CREB3L2: variants seen among roughly 807,000 people sequenced by gnomAD.
The protein encoded by CREB3L2 is cAMP responsive element binding protein 3 like 2.
A neutral mutation model predicts 57.2 loss-of-function variants in CREB3L2; 23 were observed. The ratio of observed to expected loss-of-function variants is 0.40; its 90% CI spans 0.29 to 0.57. The LOEUF is 0.57. Ranked by LOEUF, CREB3L2 falls within the 20% of genes least tolerant of loss-of-function variation. CREB3L2 has a pLI of 0.42. For synonymous variants in CREB3L2, 268 were observed against 265.1 expected, an observed-to-expected ratio of 1.01 and a Z score of -0.11; for missense variants, 628 against 634.7, an observed-to-expected ratio of 0.99 and a Z score of 0.11.
chr7:137,954,756 T>C (rs1453101257), intron 1 of CREB3L2, among the ~76,000 whole-genome samples: 1 of 152,144 alleles, frequency 6.6e-6, no homozygotes. Context: ...GCATGGAGGC[T>C]AGAAAGTAGG....
At chr7:137,950,863 G>A (rs1450365130) in intron 1 of CREB3L2, among the ~76,000 whole-genome samples, 1 of 152,154 alleles carries the variant, frequency 6.6e-6, no homozygotes, top group Non-Finnish European at 1.5e-5. Flanking sequence ...CTAGTTTCAA[G>A]ATCCCTAGTT....
At chr7:137,903,766 A>T (rs1799819345) in intron 7 of CREB3L2, among the ~76,000 whole-genome samples, 193 bp downstream of exon 7, 1 of 152,222 alleles carries the variant, frequency 6.6e-6, no homozygotes, top group Non-Finnish European at 1.5e-5. Flanking sequence ...AGGTACTTTC[A>T]CTTCTTTCTT....
chr7:137,960,495 T>A (rs950144218), intron 1 of CREB3L2, among the ~76,000 whole-genome samples: 1 of 152,096 alleles, frequency 6.6e-6, no homozygotes, highest in African/African-American at 2.4e-5. Context: ...AAGAGAATAT[T>A]AGTGATTTTG....
chr7:137,999,959 TGTTA>T (rs548495748), intron 1 of CREB3L2: 1 of 151,966 alleles, frequency 6.6e-6, no homozygotes, highest in Non-Finnish European at 1.5e-5. Context: ...GTGCATAAGG[TGTTA>T]GTTAGAGCCA....
At chr7:137,960,820 T>C (rs1206225799) in intron 1 of CREB3L2, among the ~76,000 whole-genome samples, 5 of 139,508 alleles carry the variant, frequency 3.6e-5, no homozygotes, top group African/African-American at 5.4e-5. Context: ...TTTTTTTTTT[T>C]TTTTTTTTTT....
chr7:137,965,444 C>T (rs991925479), intron 1 of CREB3L2, among the ~76,000 whole-genome samples: 3 of 152,132 alleles, frequency 2.0e-5, no homozygotes, highest in African/African-American at 7.2e-5. Flanking sequence ...ATGACAAAAG[C>T]CCCTTGATTG....
chr7:137,884,621 TC>T (rs1185174076), intron 10 of CREB3L2: 20 of 535,954 alleles, frequency 3.7e-5, no homozygotes, highest in South Asian at 2.6e-4. Context: ...CTCATACAAT[TC>T]CACTCAGTGG....
At chr7:137,997,048 T>C (rs1801999031) in intron 1 of CREB3L2, among the ~76,000 whole-genome samples, 1 of 152,198 alleles carries the variant, frequency 6.6e-6, no homozygotes, top group South Asian at 2.1e-4. Context: ...CCTCTCCCCC[T>C]AAAGCCTCTT....
chr7:137,921,683 T>C (rs1800279717), intron 2 of CREB3L2, among the ~76,000 whole-genome samples: 1 of 152,180 alleles, frequency 6.6e-6, no homozygotes, highest in African/African-American at 2.4e-5. Flanking sequence ...AAATAAAAAT[T>C]CATGACCCCA....
At chr7:137,922,414 A>ACACG (rs1554498031) in intron 2 of CREB3L2, among the ~76,000 whole-genome samples, 350 of 29,938 alleles carry the variant, frequency 0.012, 18 homozygotes, top group African/African-American at 0.033. Flanking sequence ...ATATATATAT[A>ACACG]TGTATATATA....
intron 1 of CREB3L2, among the ~76,000 whole-genome samples, chr7:137,941,954 T>G (rs115341683): frequency 0.011 from 1,718 of 152,302 alleles, 41 homozygotes; most frequent in African/African-American, 0.038. Context: ...GTGAACTCGG[T>G]CGATTCTAGT....
At position 138,001,954 on chromosome 7, in the gene CREB3L2, C is replaced by A. The variant is rs1802089439; in HGVS notation, c.-249G>T. 2.3e-6 allele frequency: 1 copy of A among 438,240 alleles called. No homozygotes were observed. Among genetic ancestry groups the A allele is most frequent in the South Asian group, 4.2e-5 (1 of 23,708 alleles). 27.1% of individuals were successfully genotyped at this position (438,240 alleles called of 1,614,324 possible). On this transcript the variant is annotated 5_prime_UTR_variant, in exon 1 of 12. The change abolishes the stop of an existing upstream ORF in the 5' untranslated region. Transcript: ENST00000330387. This position sits in a 1 kb window ranked among gnomAD's most constrained non-coding sequence, Gnocchi z 4.2. ...CGAGCCGGACCAAAGGCTGCCGGGG[C>A]TAAAGCGGGATGTGCATCCAAAATG...
At chr7:137,938,574 G>C (rs1015765007) in intron 1 of CREB3L2, among the ~76,000 whole-genome samples, 3 of 152,148 alleles carry the variant, frequency 2.0e-5, no homozygotes, top group African/African-American at 4.8e-5. Context: ...TCGAACTCCT[G>C]ATCTTGTGAT....
At chr7:137,932,490 T>C (rs1004326446) in intron 1 of CREB3L2, among the ~76,000 whole-genome samples, 16 of 152,066 alleles carry the variant, frequency 1.1e-4, no homozygotes, top group African/African-American at 3.9e-4. Context: ...CCCCACACTT[T>C]GGGAGGCAGA....
intron 1 of CREB3L2, chr7:137,955,466 G>A (rs1801191118): frequency 2.5e-6 from 1 of 406,632 alleles, no homozygotes; most frequent in Non-Finnish European, 4.8e-6. Flanking sequence ...AATACTCATG[G>A]AGTCTAGAAA....
At chr7:137,972,730 T>G (rs1464243638) in intron 1 of CREB3L2, among the ~76,000 whole-genome samples, 2 of 27,350 alleles carry the variant, frequency 7.3e-5, no homozygotes, top group Non-Finnish European at 1.3e-4. Context: ...TATATATATA[T>G]ATATATAGAG....
At chr7:137,901,874 C>CAAAAAAAAAAAAAAAAAAAAAA (rs59855306) in intron 7 of CREB3L2, among the ~76,000 whole-genome samples, 2 of 57,838 alleles carry the variant, frequency 3.5e-5, no homozygotes, top group Non-Finnish European at 6.4e-5. Context: ...AGATCTGTCT[C>CAAAAAAAAAAAAAAAAAAAAAA]AAAAAAAAAA....
chr7:137,915,477 A>G (rs1404920774), intron 3 of CREB3L2, among the ~76,000 whole-genome samples: 1 of 152,202 alleles, frequency 6.6e-6, no homozygotes, highest in African/African-American at 2.4e-5. Context: ...ATGCACTGTA[A>G]GCCATGGATT....
At chr7:137,944,950 T>G (rs900034596) in intron 1 of CREB3L2, among the ~76,000 whole-genome samples, 1 of 152,216 alleles carries the variant, frequency 6.6e-6, no homozygotes, top group African/African-American at 2.4e-5. Flanking sequence ...TGGAGTGCAG[T>G]GGCATGATCT....
Sources: gnomAD v4.1 joint callset for allele counts (sites outside exome capture counted in the v4.1 genomes callset) on GRCh38, gnomAD v4.1.1 for gene constraint, Gnocchi (gnomAD v3.1) non-coding constraint, MANE v1.5 for transcripts, NCBI Gene and HGNC (gene_info 2026-07-23, HGNC 2026-07-21) for gene names.